The following TRDN variants were observed in gnomAD, a reference collection of about 807,000 sequenced individuals.
TRDN encodes triadin, also known as triadin in skeletal muscle.
In TRDN, 161 loss-of-function variants were observed where a neutral mutation model predicts 149.7. The observed-to-expected ratio is 1.08, with a 90% CI of 0.95 to 1.23. TRDN has a LOEUF of 1.23. Among genes scored for constraint, TRDN ranks in the 50% most tolerant of loss-of-function variants. The pLI is 0.00. For synonymous variants in TRDN, 294 were observed against 250.5 expected (o/e 1.17, Z -1.64); for missense variants, 896 against 823.5 (o/e 1.09, Z -1.08).
At chr6:123,264,733 C>T (rs1451744966) in intron 33 of TRDN, among the ~76,000 whole-genome samples, 2 of 152,034 alleles carry the variant, frequency 1.3e-5, no homozygotes, top group African/African-American at 2.4e-5. Context: ...CCACAAATTT[C>T]TAACCTTCAG....
chr6:123,376,353 A>G (rs1582937759), intron 18 of TRDN, among the ~76,000 whole-genome samples: 2 of 152,318 alleles, frequency 1.3e-5, no homozygotes, highest in East Asian at 3.9e-4. Flanking sequence ...AATACTGTGA[A>G]AATATGAAAT....
chr6:123,272,502 A>G (rs920072186), intron 29 of TRDN, among the ~76,000 whole-genome samples: 2 of 151,900 alleles, frequency 1.3e-5, no homozygotes, highest in African/African-American at 4.8e-5. Context: ...GAATAAAAAG[A>G]AAATAAGAAA....
chr6:123,428,043 C>G (rs1015807987), intron 12 of TRDN, among the ~76,000 whole-genome samples: 1 of 152,104 alleles, frequency 6.6e-6, no homozygotes, highest in African/African-American at 2.4e-5. Flanking sequence ...TAGATTTTCA[C>G]CATCTAGAAA....
In TRDN at chr6:123,393,676, C is replaced by T; in HGVS notation, c.1053G>A (p.Glu351=). 1.2e-6 allele frequency: 2 copies of T among 1,603,866 alleles called. No homozygotes were observed. The highest frequency in any genetic ancestry group is 4.5e-5 in the East Asian group (2 of 44,708). ...GTTTGGTTTCAGAAGCTTTTCCCGG[C>T]TCTTGGAATGAAAAAAACATAAATT... ...KETAIDVEKK[E]PGKASETKQG... The change falls in exon 13 of 41, where the codon GAG becomes GAA. Residue 351 remains glutamate, a splice_region_variant and synonymous_variant. Coordinates refer to ENST00000334268, the MANE Select transcript of TRDN (RefSeq NM_006073.4).
intron 24 of TRDN, among the ~76,000 whole-genome samples, chr6:123,305,679 A>G (rs1778583428): frequency 6.6e-6 from 1 of 152,154 alleles, no homozygotes; most frequent in South Asian, 2.1e-4. Flanking sequence ...AAGATTCCTT[A>G]TTATTATGAG....
At chr6:123,505,828 T>C (rs1467727025) in intron 7 of TRDN, among the ~76,000 whole-genome samples, 1 of 151,990 alleles carries the variant, frequency 6.6e-6, no homozygotes, top group Non-Finnish European at 1.5e-5. Context: ...GCCTCCCAAG[T>C]AGCTGGGATT....
chr6:123,224,030 AC>A, intron 39 of TRDN, 62 bp downstream of exon 39: 1 of 1,461,934 alleles, frequency 6.8e-7, no homozygotes. Context: ...AAAAAAAAAG[AC>A]AGACAAAAAC....
At chr6:123,317,667 T>C (rs950728366) in intron 23 of TRDN, among the ~76,000 whole-genome samples, 9 of 151,972 alleles carry the variant, frequency 5.9e-5, no homozygotes, top group African/African-American at 2.2e-4. Flanking sequence ...CACAGTATTA[T>C]AGAAAATTTT....
intron 38 of TRDN, among the ~76,000 whole-genome samples, chr6:123,240,059 G>A (rs1775931374): frequency 6.6e-6 from 1 of 151,900 alleles, no homozygotes; most frequent in Non-Finnish European, 1.5e-5. Flanking sequence ...ACACAGAGAT[G>A]AGAGACCAAT....
chr6:123,636,754 C>G lies in TRDN; in HGVS notation c.22G>C (p.Gly8Arg), dbSNP rs1350873943. 2 of 1,611,316 alleles carry G rather than the reference C, an allele frequency of 1.2e-6. No homozygotes were observed. The highest frequency in any genetic ancestry group is 1.7e-6 in the Non-Finnish European group (2 of 1,178,372). The change falls in exon 1 of 41, where the codon GGA becomes CGA. Residue 8 changes from glycine to arginine, a missense_variant and splice_region_variant. Coordinates refer to ENST00000334268, the MANE Select transcript of TRDN (RefSeq NM_006073.4). Reference protein sequence around the residue: MTEITAEGNASTTTTVID... With the variant: MTEITAERNASTTTTVID... ...TACTATCGGAAAATGGTAGCAATAC[C>G]TTCAGCAGTGATCTCAGTCATGGTG...
At chr6:123,595,149 G>C (rs1043079702) in intron 1 of TRDN, among the ~76,000 whole-genome samples, 1 of 151,984 alleles carries the variant, frequency 6.6e-6, no homozygotes, top group Non-Finnish European at 1.5e-5. Flanking sequence ...TTTAAACTGA[G>C]AATAATCTAT....
chr6:123,261,635 T>C (rs1320568572), intron 33 of TRDN, among the ~76,000 whole-genome samples: 1 of 151,868 alleles, frequency 6.6e-6, no homozygotes, highest in Non-Finnish European at 1.5e-5. Flanking sequence ...GTATCAGTTT[T>C]ATCAGTCTTA....
intron 5 of TRDN, among the ~76,000 whole-genome samples, chr6:123,528,356 C>T (rs1780053217): frequency 6.6e-6 from 1 of 151,024 alleles, no homozygotes; most frequent in South Asian, 2.1e-4. Context: ...GCTTCTAAAA[C>T]CTTTCAGAAT....
intron 2 of TRDN, among the ~76,000 whole-genome samples, chr6:123,554,683 G>A (rs895274233): frequency 1.3e-5 from 2 of 152,100 alleles, no homozygotes; most frequent in Non-Finnish European, 2.9e-5. Context: ...AACTTCAGAT[G>A]TGTTTCCTCA....
At chr6:123,352,130 T>A in intron 21 of TRDN, 5 of 984,344 alleles carry the variant, frequency 5.1e-6, no homozygotes, top group Non-Finnish European at 6.0e-6. Flanking sequence ...ATATTTTTTT[T>A]CAAGCAACAG....
chr6:123,260,416 C>T (rs535548361), intron 34 of TRDN, among the ~76,000 whole-genome samples, 196 bp downstream of exon 34: 75 of 151,770 alleles, frequency 4.9e-4, no homozygotes, highest in Non-Finnish European at 7.7e-4. Context: ...AGTTTGTATG[C>T]GGTAAGAATG....
chr6:123,417,335 A>G (rs892309800), intron 12 of TRDN, among the ~76,000 whole-genome samples: 4 of 152,182 alleles, frequency 2.6e-5, no homozygotes, highest in African/African-American at 9.6e-5. Context: ...CCTATTACCA[A>G]AATCACAGAG....
chr6:123,583,636 A>G (rs577892660), intron 1 of TRDN, among the ~76,000 whole-genome samples: 15 of 152,062 alleles, frequency 9.9e-5, no homozygotes, highest in Non-Finnish European at 1.5e-4. Flanking sequence ...ATCAGACTGT[A>G]TTGAGGTAGG....
chr6:123,259,589 A>G, intron 35 of TRDN, 35 bp downstream of exon 35: 1 of 1,375,528 alleles, frequency 7.3e-7, no homozygotes, highest in East Asian at 2.6e-5. Context: ...TTTTGTGGCT[A>G]ATTTGATGTA....
Sources: gnomAD v4.1 joint callset for allele counts (sites outside exome capture counted in the v4.1 genomes callset) on GRCh38, gnomAD v4.1.1 for gene constraint, MANE v1.5 for transcripts, NCBI Gene and HGNC (gene_info 2026-07-23, HGNC 2026-07-21) for gene names.